ITFG1: variants seen among roughly 807,000 people sequenced by gnomAD.
The protein encoded by ITFG1 is T-cell immunomodulatory protein.
In ITFG1, 34 loss-of-function variants were observed where a neutral mutation model predicts 81.8. That is an observed-to-expected ratio of 0.42 (90% CI 0.32 to 0.55). ITFG1 has a LOEUF of 0.55. ITFG1 is among the 20% of genes least tolerant of loss of function. The probability of loss-of-function intolerance (pLI) is 0.17; values close to 1 mark genes in which losing one functional copy is unlikely to be tolerated. For missense variants in ITFG1, 672 were observed against 755.4 expected, an observed-to-expected ratio of 0.89 and a Z score of 1.29; for synonymous variants, 285 against 270.6, an observed-to-expected ratio of 1.05 and a Z score of -0.52.
rs535710220 is a variant in ITFG1 at position 47,228,049 on chromosome 16, T to A, written c.1375-9103A>T. On this transcript the variant is annotated intron_variant, in intron 13 of 17. Transcript: ENST00000320640. The stretch of plus-strand genomic sequence containing the variant: ...TCCTTTAATTTTGGTTATTTTCCAA[T>A]GAAAACTGCAAGATATTTTCCCTCT... 2.6e-5 allele frequency among the ~76,000 whole-genome samples: 4 copies of A among 152,308 alleles called. No homozygotes were observed. The South Asian group carries it at 6.2e-4, about 24-fold the overall frequency.
chr16:47,241,655 G>A (rs1015306775), intron 12 of ITFG1, among the ~76,000 whole-genome samples: 4 of 152,098 alleles, frequency 2.6e-5, no homozygotes, highest in Non-Finnish European at 5.9e-5. Context: ...GATGATGGGG[G>A]ACTAAGAGTG....
chr16:47,270,656 C>T (rs76888972), intron 10 of ITFG1, among the ~76,000 whole-genome samples: 2,087 of 152,286 alleles, frequency 0.014, 19 homozygotes, highest in Non-Finnish European at 0.022. Flanking sequence ...GATCTAATTG[C>T]TCATCAACGT....
chr16:47,318,162 C>G (rs936455014), intron 8 of ITFG1, among the ~76,000 whole-genome samples: 2 of 152,152 alleles, frequency 1.3e-5, no homozygotes, highest in African/African-American at 4.8e-5. Context: ...CCTCCAGTGG[C>G]AACCACCATA....
At chr16:47,293,953 G>T (rs1372413869) in intron 10 of ITFG1, among the ~76,000 whole-genome samples, 6 of 151,994 alleles carry the variant, frequency 3.9e-5, no homozygotes, top group Non-Finnish European at 7.4e-5. Context: ...GTGGCCAGAA[G>T]AGTTTTCTTT....
chr16:47,400,257 C>T (rs1030356800), intron 6 of ITFG1, among the ~76,000 whole-genome samples: 4 of 152,154 alleles, frequency 2.6e-5, no homozygotes, highest in African/African-American at 9.7e-5. Context: ...GGTGCAGTGG[C>T]TCAGGCCTGT....
intron 12 of ITFG1, among the ~76,000 whole-genome samples, chr16:47,251,495 T>A (rs1966075801): frequency 8.3e-6 from 1 of 120,086 alleles, no homozygotes; most frequent in Admixed American, 1.0e-4. Context: ...CAGAGAAAAC[T>A]CCTCATGCAC....
intron 10 of ITFG1, among the ~76,000 whole-genome samples, chr16:47,265,611 T>G (rs1020759534): frequency 6.6e-6 from 1 of 152,150 alleles, no homozygotes; most frequent in Non-Finnish European, 1.5e-5. Context: ...GTTAAAGATG[T>G]ATAAACACTA....
chr16:47,456,838 C>T (rs1352026498), intron 2 of ITFG1, among the ~76,000 whole-genome samples: 1 of 151,852 alleles, frequency 6.6e-6, no homozygotes, highest in Non-Finnish European at 1.5e-5. Flanking sequence ...AAATTCCCCA[C>T]ATAGTAAGTC....
intron 13 of ITFG1, among the ~76,000 whole-genome samples, chr16:47,225,487 C>T (rs1965746194): frequency 6.6e-6 from 1 of 152,042 alleles, no homozygotes; most frequent in African/African-American, 2.4e-5. Flanking sequence ...ACAGTCAAAC[C>T]CTGCCTATCA....
rs530916190 is a variant in ITFG1, at chr16:47,408,666, A to G, written c.655+20138T>C. Among the ~76,000 whole-genome samples, 145 of 152,348 alleles carry G rather than the reference A, an allele frequency of 9.5e-4. 1 individual carries two copies. The highest frequency in any genetic ancestry group is 3.4e-3 in the African/African-American group (141 of 41,580). On this transcript the variant is annotated intron_variant, in intron 6 of 17. Coordinates refer to ENST00000320640, the MANE Select transcript of ITFG1 (RefSeq NM_030790.5). ...AAACAGGCGTGGTGCTCAGAGAGAC[A>G]GTTCTAATTTATGTGACTTGTCACA...
At chr16:47,348,268 A>G (rs1298299697) in intron 8 of ITFG1, among the ~76,000 whole-genome samples, 1 of 152,228 alleles carries the variant, frequency 6.6e-6, no homozygotes, top group African/African-American at 2.4e-5. Flanking sequence ...TCTCCGAGCT[A>G]AAGGAGGAAG....
intron 6 of ITFG1, among the ~76,000 whole-genome samples, chr16:47,409,402 ATATTTTTTTTTTTTT>A (rs1188287642): frequency 2.3e-4 from 2 of 8,780 alleles, no homozygotes; most frequent in African/African-American, 3.9e-4. Context: ...ATATATATAT[ATATTTTTTTTTTTTT>A]TTTTTTTTTT....
intron 14 of ITFG1, among the ~76,000 whole-genome samples, chr16:47,204,791 T>A (rs1965471885): frequency 6.6e-6 from 1 of 152,228 alleles, no homozygotes; most frequent in Non-Finnish European, 1.5e-5. Context: ...TTTTAAATTT[T>A]ATATGGACAT....
chr16:47,404,688 T>C (rs1309286608), intron 6 of ITFG1, among the ~76,000 whole-genome samples: 1 of 152,210 alleles, frequency 6.6e-6, no homozygotes, highest in Non-Finnish European at 1.5e-5. Flanking sequence ...GTTTGAACTT[T>C]ACCTAAATGT....
intron 8 of ITFG1, among the ~76,000 whole-genome samples, chr16:47,326,423 A>T (rs1967544434): frequency 6.6e-6 from 1 of 152,242 alleles, no homozygotes; most frequent in Non-Finnish European, 1.5e-5. Context: ...CAAGACAGGG[A>T]TGCCCTCTCT....
chr16:47,192,018 A>C (rs1239861110), intron 14 of ITFG1, among the ~76,000 whole-genome samples: 1 of 152,076 alleles, frequency 6.6e-6, no homozygotes, highest in African/African-American at 2.4e-5. Flanking sequence ...GGGCTCAAGC[A>C]ATCTGCCTGC....
Position 47,376,643 on chromosome 16 carries a change from T to C in ITFG1, c.656-703A>G, listed in dbSNP as rs140480628. Among the ~76,000 whole-genome samples the C allele has an allele frequency of 6.6e-3, 1,004 of 152,286 alleles. 7 individuals carry two copies. The highest frequency in any genetic ancestry group is 0.024 in the Middle Eastern group (7 of 294). On this transcript the variant is annotated intron_variant, in intron 6 of 17. Transcript: ENST00000320640. Reference sequence around the variant, plus strand: ...GTGAATATATAAGGTATTAAAACGATGAGGTGGCTTATAGGAATATTAAAA... The same window carrying C: ...GTGAATATATAAGGTATTAAAACGACGAGGTGGCTTATAGGAATATTAAAA...
At chr16:47,448,369 T>A (rs1038557751) in intron 5 of ITFG1, 1 of 152,144 alleles carries the variant, frequency 6.6e-6, no homozygotes, top group Non-Finnish European at 1.5e-5. Context: ...CTGACTACAT[T>A]TAAATAGAGA....
intron 8 of ITFG1, among the ~76,000 whole-genome samples, chr16:47,320,801 GT>G (rs1301706959): frequency 2.6e-5 from 4 of 152,176 alleles, no homozygotes; most frequent in Admixed American, 1.3e-4. Flanking sequence ...AGGCAAAAGA[GT>G]AAAAAAAGGC....
Sources: gnomAD v4.1 joint callset for allele counts (sites outside exome capture counted in the v4.1 genomes callset) on GRCh38, gnomAD v4.1.1 for gene constraint, MANE v1.5 for transcripts, NCBI Gene and HGNC (gene_info 2026-07-23, HGNC 2026-07-21) for gene names.